GRID2: variants seen among roughly 807,000 people sequenced by gnomAD.
The protein encoded by GRID2 is glutamate ionotropic receptor delta type subunit 2, also known as glutamate receptor ionotropic, delta-2.
Under a neutral mutation model 114.8 loss-of-function variants are expected in GRID2, and 33 were observed. The ratio of observed to expected loss-of-function variants is 0.29; its 90% CI spans 0.22 to 0.38. The LOEUF is 0.38. Among genes scored for constraint, GRID2 ranks in the 10% least tolerant of loss-of-function variants. The pLI is 1.00. For missense variants in GRID2, 1,184 were observed against 1,257.7 expected (o/e 0.94, Z 0.89); for synonymous variants, 505 against 449.9 (o/e 1.12, Z -1.55).
intron 14 of GRID2, among the ~76,000 whole-genome samples, chr4:93,646,862 C>T (rs1318981426): frequency 6.6e-6 from 1 of 152,020 alleles, no homozygotes; most frequent in African/African-American, 2.4e-5. Flanking sequence ...ATTTTCTGAA[C>T]AAATAAATGG....
intron 1 of GRID2, among the ~76,000 whole-genome samples, chr4:92,540,661 G>A (rs1468412739): frequency 2.6e-5 from 4 of 152,194 alleles, no homozygotes; most frequent in Non-Finnish European, 5.9e-5. Context: ...TGGAGAGGAT[G>A]TGGAGAAATA....
rs70942961 is a variant in GRID2 at position 93,264,709 on chromosome 4, G to GAT, written c.1245+26234_1245+26235dup. Among the ~76,000 whole-genome samples, 132 of 132,916 alleles carry GAT rather than the reference G, an allele frequency of 9.9e-4. 1 individual carries two copies. Among genetic ancestry groups the GAT allele is most frequent in the East Asian group, 1.7e-3 (8 of 4,666 alleles). 87.2% of individuals were successfully genotyped at this position (132,916 alleles called of 152,430 possible). ...AAGGAGTTATGTTTGAGTTTTGAAT[G>GAT]ATATATATATATATATCATTTGAAT... On this transcript the variant is annotated intron_variant, in intron 8 of 15. Transcript: ENST00000282020.
intron 4 of GRID2, among the ~76,000 whole-genome samples, chr4:93,179,813 T>C (rs905890551): frequency 1.4e-4 from 22 of 152,130 alleles, no homozygotes; most frequent in African/African-American, 5.3e-4. Flanking sequence ...CACAGATAAA[T>C]GTATACCTCC....
At chr4:92,689,861 T>C (rs1734091017) in intron 2 of GRID2, among the ~76,000 whole-genome samples, 1 of 152,146 alleles carries the variant, frequency 6.6e-6, no homozygotes, top group African/African-American at 2.4e-5. Context: ...GCTTCCAACT[T>C]TTCTTCTGTA....
At chr4:92,735,275 G>A (rs568729012) in intron 2 of GRID2, among the ~76,000 whole-genome samples, 15 of 152,096 alleles carry the variant, frequency 9.9e-5, no homozygotes, top group African/African-American at 2.9e-4. Context: ...GGATGCTACC[G>A]AATCCTACAT....
intron 8 of GRID2, among the ~76,000 whole-genome samples, chr4:93,298,362 C>T (rs757983092): frequency 3.9e-5 from 6 of 152,206 alleles, no homozygotes; most frequent in Non-Finnish European, 2.9e-5. Flanking sequence ...TGAGGGTCCA[C>T]TTTCAGGTTA....
intron 9 of GRID2, among the ~76,000 whole-genome samples, chr4:93,413,192 A>G (rs907693720): frequency 1.3e-5 from 2 of 152,156 alleles, no homozygotes; most frequent in South Asian, 2.1e-4. Context: ...ACAATGGTTG[A>G]ACTAATTTAC....
At chr4:93,012,038 ACT>A (rs1722226439) in intron 2 of GRID2, among the ~76,000 whole-genome samples, 1 of 150,128 alleles carries the variant, frequency 6.7e-6, no homozygotes, top group Non-Finnish European at 1.5e-5. Context: ...TCACCTGGAA[ACT>A]CTGTGAACTC....
chr4:93,051,881 T>A (rs1177655985), intron 2 of GRID2, among the ~76,000 whole-genome samples: 3 of 151,866 alleles, frequency 2.0e-5, no homozygotes, highest in African/African-American at 7.2e-5. Context: ...TTTGTCCAGT[T>A]TTTTTTTCTA....
chr4:92,646,058 C>A (rs1400560176), intron 2 of GRID2, among the ~76,000 whole-genome samples: 1 of 151,676 alleles, frequency 6.6e-6, no homozygotes, highest in South Asian at 2.1e-4. Flanking sequence ...AGACTCCTAC[C>A]GGCTTCGTAG....
chr4:92,710,365 G>C (rs1464119534), intron 2 of GRID2, among the ~76,000 whole-genome samples: 1 of 152,064 alleles, frequency 6.6e-6, no homozygotes, highest in Non-Finnish European at 1.5e-5. Flanking sequence ...ATAGTTTGTG[G>C]GTGCATTTAA....
Position 93,594,468 on chromosome 4 carries a change from A to G in GRID2, c.2194-31801A>G, listed in dbSNP as rs2149623833. Among the ~76,000 whole-genome samples the G allele has an allele frequency of 1.3e-5, 2 of 152,268 alleles. 1 individual carries two copies. Among genetic ancestry groups the G allele is most frequent in the Non-Finnish European group, 2.9e-5 (2 of 68,018 alleles). ...ACTGCTCTCTTCAAAGCTGTCAGAC[A>G]GGGACATTTAAGTCTGCAGAGGTTA... On this transcript the variant is annotated intron_variant, in intron 13 of 15. Coordinates refer to ENST00000282020, the MANE Select transcript of GRID2 (RefSeq NM_001510.4).
rs191076194 is a variant in GRID2, at chr4:92,315,626, T to C, written c.88+10882T>C. Among the ~76,000 whole-genome samples, 25 of 152,156 alleles carry C rather than the reference T, an allele frequency of 1.6e-4. No homozygotes were observed. In the East Asian group the frequency reaches 4.6e-3, roughly 28 times the overall value. ...TGTCATGTCATTGATTGACTTAGTA[T>C]CTTAAAATCCAAAGACCAGGTAATA... is the stretch of plus-strand genomic sequence containing the variant. On this transcript the variant is annotated intron_variant, in intron 1 of 15. Coordinates refer to ENST00000282020, the MANE Select transcript of GRID2 (RefSeq NM_001510.4).
chr4:92,632,681 G>A (rs886351595), intron 2 of GRID2, among the ~76,000 whole-genome samples: 1 of 151,642 alleles, frequency 6.6e-6, no homozygotes, highest in Non-Finnish European at 1.5e-5. Flanking sequence ...GAAAGGAAAG[G>A]AAGGGAAGAA....
chr4:93,689,960 A>G (rs1726398624), intron 14 of GRID2, among the ~76,000 whole-genome samples: 1 of 152,070 alleles, frequency 6.6e-6, no homozygotes, highest in Non-Finnish European at 1.5e-5. Flanking sequence ...CTAATATCCT[A>G]TCACCCAAAG....
At chr4:93,683,705 A>T (rs935594872) in intron 14 of GRID2, among the ~76,000 whole-genome samples, 1 of 152,144 alleles carries the variant, frequency 6.6e-6, no homozygotes, top group East Asian at 1.9e-4. Flanking sequence ...AAATATGCCA[A>T]GATACATGTT....
At chr4:93,648,635 G>A (rs2149718130) in intron 14 of GRID2, among the ~76,000 whole-genome samples, 1 of 152,290 alleles carries the variant, frequency 6.6e-6, no homozygotes, top group East Asian at 1.9e-4. Context: ...CACCTGAACG[G>A]TCTGTTAAAA....
At chr4:93,719,542 C>T (rs371240558) in intron 14 of GRID2, among the ~76,000 whole-genome samples, 13 of 152,026 alleles carry the variant, frequency 8.6e-5, no homozygotes, top group East Asian at 5.8e-4. Context: ...GGGCTACTTC[C>T]GCTCACAAGG....
intron 14 of GRID2, among the ~76,000 whole-genome samples, chr4:93,680,859 A>T (rs1056546767): frequency 6.6e-6 from 1 of 152,022 alleles, no homozygotes; most frequent in Non-Finnish European, 1.5e-5. Flanking sequence ...ATTCCCTTTG[A>T]AAACTGGCAC....
Sources: gnomAD v4.1 joint callset for allele counts (sites outside exome capture counted in the v4.1 genomes callset) on GRCh38, gnomAD v4.1.1 for gene constraint, MANE v1.5 for transcripts, NCBI Gene and HGNC (gene_info 2026-07-23, HGNC 2026-07-21) for gene names.